The following GMDS variants were observed in gnomAD, a reference collection of about 807,000 sequenced individuals.
GMDS encodes the protein GDP-mannose 4,6 dehydratase.
Under a neutral mutation model 49.9 loss-of-function variants are expected in GMDS, and 20 were observed. The observed-to-expected ratio is 0.40, with a 90% confidence interval of 0.28 to 0.58. The LOEUF (loss-of-function observed/expected upper bound fraction) is 0.58. Ranked by LOEUF, GMDS falls within the 20% of genes least tolerant of loss-of-function variation. The pLI is 0.42. For missense variants in GMDS, 362 were observed against 481.4 expected, an observed-to-expected ratio of 0.75 and a Z score of 2.32; for synonymous variants, 177 against 178.6, an observed-to-expected ratio of 0.99 and a Z score of 0.07.
intron 1 of GMDS, among the ~76,000 whole-genome samples, chr6:2,184,776 A>C (rs973037897): frequency 6.6e-6 from 1 of 152,266 alleles, no homozygotes; most frequent in Non-Finnish European, 1.5e-5. Context: ...ATTAACAGTC[A>C]AAAAATCTAT....
intron 4 of GMDS, among the ~76,000 whole-genome samples, chr6:1,970,949 A>C (rs1040040428): frequency 8.5e-5 from 12 of 141,368 alleles, no homozygotes; most frequent in Non-Finnish European, 1.2e-4. Context: ...CACGTATCCC[A>C]GACTTAAAGA....
intron 1 of GMDS, among the ~76,000 whole-genome samples, chr6:2,172,742 C>T (rs1018648349): frequency 6.6e-6 from 1 of 152,040 alleles, no homozygotes; most frequent in Non-Finnish European, 1.5e-5. Flanking sequence ...ATTAGAATTG[C>T]ATGGAAAACT....
At chr6:1,931,970 G>A (rs1762306876) in intron 6 of GMDS, among the ~76,000 whole-genome samples, 1 of 152,190 alleles carries the variant, frequency 6.6e-6, no homozygotes, top group East Asian at 1.9e-4. Flanking sequence ...AGGGTCAGGT[G>A]GGCCAATAAA....
intron 4 of GMDS, among the ~76,000 whole-genome samples, chr6:2,074,479 T>C (rs1300070680): frequency 6.6e-6 from 1 of 152,158 alleles, no homozygotes; most frequent in South Asian, 2.1e-4. Context: ...TTCTTTTGAC[T>C]GTTTCCTTTG....
chr6:1,664,580 G>C (rs1764181917), intron 9 of GMDS, among the ~76,000 whole-genome samples: 1 of 152,184 alleles, frequency 6.6e-6, no homozygotes, highest in Non-Finnish European at 1.5e-5. Flanking sequence ...ACATAACGAA[G>C]CTGAAAGCAA....
intron 4 of GMDS, among the ~76,000 whole-genome samples, chr6:2,088,001 A>G (rs571381697): frequency 1.3e-5 from 2 of 152,306 alleles, no homozygotes; most frequent in East Asian, 3.9e-4. Flanking sequence ...TGACTTAACA[A>G]TTAATTCAGC....
At chr6:1,726,662 T>C (rs905370852) in intron 8 of GMDS, 150 bp from the exon 9 acceptor site, 15 of 595,912 alleles carry the variant, frequency 2.5e-5, no homozygotes, top group Non-Finnish European at 4.5e-5. Context: ...AGCTGATTAT[T>C]AAAGCAACGG....
intron 1 of GMDS, among the ~76,000 whole-genome samples, chr6:2,137,458 C>T (rs1248805505): frequency 1.3e-5 from 2 of 151,888 alleles, no homozygotes; most frequent in African/African-American, 2.4e-5. Context: ...CTCAGCCTCC[C>T]GAGTAGCTGG....
rs879438934 is a variant in GMDS, at chr6:2,191,130, C to T, written c.102+54191G>A. ...CTGCACCAAGGGTGCCGTGTTCTTG[C>T]GCCCCCAGAGAGGACTCTGCACAGG... is the stretch of plus-strand genomic sequence containing the variant. On this transcript the variant is annotated intron_variant, in intron 1 of 10. Coordinates refer to ENST00000380815, the MANE Select transcript of GMDS (RefSeq NM_001500.4). This position sits in a 1 kb window ranked among gnomAD's most constrained non-coding sequence, Gnocchi z 4.6. Among the ~76,000 whole-genome samples, 11 of 152,100 alleles carry T rather than the reference C, an allele frequency of 7.2e-5. No individual in the cohort carries two copies. Among genetic ancestry groups the T allele is most frequent in the African/African-American group, 9.7e-5 (4 of 41,408 alleles).
chr6:1,890,359 A>G (rs1233063464), intron 7 of GMDS, among the ~76,000 whole-genome samples: 1 of 152,128 alleles, frequency 6.6e-6, no homozygotes, highest in African/African-American at 2.4e-5. Flanking sequence ...ATGTCCTTTC[A>G]TGTCGGCTGA....
At chr6:2,099,453 A>G (rs1312835393) in intron 4 of GMDS, among the ~76,000 whole-genome samples, 1 of 152,150 alleles carries the variant, frequency 6.6e-6, no homozygotes, top group African/African-American at 2.4e-5. Context: ...AATAAATACC[A>G]AAGCTAAATG....
intron 4 of GMDS, among the ~76,000 whole-genome samples, chr6:1,976,020 GA>G (rs1764878944): frequency 6.6e-6 from 1 of 152,150 alleles, no homozygotes; most frequent in African/African-American, 2.4e-5. Flanking sequence ...AATGTTCCAG[GA>G]AATACAGTGG....
At chr6:2,105,448 GA>G (rs1774188367) in intron 4 of GMDS, among the ~76,000 whole-genome samples, 1 of 152,120 alleles carries the variant, frequency 6.6e-6, no homozygotes. Context: ...TACTGGCTCT[GA>G]ATTGTCCTAA....
chr6:2,163,912 G>T (rs1350801524), intron 1 of GMDS, among the ~76,000 whole-genome samples: 1 of 152,222 alleles, frequency 6.6e-6, no homozygotes, highest in Non-Finnish European at 1.5e-5. Context: ...CGTCACAAAT[G>T]CATTTCTCAC....
chr6:2,168,564 G>A lies in GMDS; in HGVS notation c.103-43833C>T, dbSNP rs1581741218. On this transcript the variant is annotated intron_variant, in intron 1 of 10. Coordinates refer to ENST00000380815, the MANE Select transcript of GMDS (RefSeq NM_001500.4). ...TTGAGAGAGGATACACTGTAGAAAA[G>A]ACCCTAACTATGCTTCCATTTCATA... Among the ~76,000 whole-genome samples, 3 of 152,162 alleles carry A rather than the reference G, an allele frequency of 2.0e-5. No homozygotes were observed. In the South Asian group the frequency reaches 6.2e-4, roughly 32 times the overall value.
At chr6:2,098,417 A>G (rs1773735183) in intron 4 of GMDS, among the ~76,000 whole-genome samples, 1 of 152,224 alleles carries the variant, frequency 6.6e-6, no homozygotes, top group African/African-American at 2.4e-5. Flanking sequence ...AAAGAAAGTA[A>G]TCTACTTGAA....
chr6:1,864,853 C>T (rs1233541270), intron 7 of GMDS, among the ~76,000 whole-genome samples: 1 of 152,162 alleles, frequency 6.6e-6, no homozygotes. Flanking sequence ...CAGAGAAAGA[C>T]CCCAAGTGTA....
rs1448357896 is a variant in GMDS, at chr6:1,695,264, A to AGAT, written c.987+31151_987+31152insATC. On this transcript the variant is annotated intron_variant, in intron 9 of 10. Coordinates refer to ENST00000380815, the MANE Select transcript of GMDS (RefSeq NM_001500.4). ...TCCTCATTTCTGATATGAGTTAGAA[A>AGAT]TCTCCACAGTGAGTGAATCTTAAAT... Among the ~76,000 whole-genome samples the AGAT allele has an allele frequency of 2.6e-4, 40 of 152,314 alleles. 1 individual carries two copies. Among genetic ancestry groups the AGAT allele is most frequent in the Middle Eastern group, 3.4e-3 (1 of 294 alleles).
At chr6:1,819,270 A>C (rs1409526796) in intron 7 of GMDS, among the ~76,000 whole-genome samples, 1 of 152,208 alleles carries the variant, frequency 6.6e-6, no homozygotes, top group Admixed American at 6.5e-5. Context: ...TACTCAGAGA[A>C]ATAAAAAGTT....
Sources: gnomAD v4.1 joint callset for allele counts (sites outside exome capture counted in the v4.1 genomes callset) on GRCh38, gnomAD v4.1.1 for gene constraint, Gnocchi (gnomAD v3.1) non-coding constraint, MANE v1.5 for transcripts, NCBI Gene and HGNC (gene_info 2026-07-23, HGNC 2026-07-21) for gene names.